CSMD1: variants seen among roughly 807,000 people sequenced by gnomAD.
CSMD1 encodes CUB and Sushi multiple domains 1.
A neutral mutation model predicts 417.5 loss-of-function variants in CSMD1; 213 were observed. The observed-to-expected ratio is 0.51, with a 90% CI of 0.46 to 0.57. CSMD1 has a LOEUF of 0.57. Among genes scored for constraint, CSMD1 ranks in the 20% least tolerant of loss-of-function variants. The pLI, the probability that CSMD1 is intolerant of heterozygous loss-of-function variation, is 0.00. For missense variants in CSMD1, 6,923 were observed against 4,529.7 expected, an observed-to-expected ratio of 1.53 and a Z score of -15.17; for synonymous variants, 2,862 against 1,736.8, an observed-to-expected ratio of 1.65 and a Z score of -16.11.
chr8:4,551,323 C>G (rs1031563759), intron 2 of CSMD1, among the ~76,000 whole-genome samples: 1 of 152,084 alleles, frequency 6.6e-6, no homozygotes, highest in South Asian at 2.1e-4. Context: ...TTCTCATGGT[C>G]CCCCGGCTGT....
intron 1 of CSMD1, among the ~76,000 whole-genome samples, chr8:4,749,499 C>G (rs1194481061): frequency 2.0e-5 from 3 of 152,156 alleles, no homozygotes; most frequent in Non-Finnish European, 4.4e-5. Flanking sequence ...TTAGTGATGA[C>G]TTGTGGTTAG....
rs148121745 is a variant in CSMD1 at position 4,732,494 on chromosome 8, G to A, written c.86-94936C>T. Among the ~76,000 whole-genome samples the A allele has an allele frequency of 2.2e-3, 330 of 152,028 alleles. 1 individual carries two copies. The highest frequency in any genetic ancestry group is 6.2e-3 in the South Asian group (30 of 4,806). ...TTACAAGGGCTTCATTTTCACCATC[G>A]ATTACTTTTCGAGTAACTTTGCCAA... is the stretch of plus-strand genomic sequence containing the variant. On this transcript the variant is annotated intron_variant, in intron 1 of 69. Transcript: ENST00000635120.
intron 6 of CSMD1, among the ~76,000 whole-genome samples, chr8:3,722,467 A>G (rs910864994): frequency 3.9e-5 from 6 of 152,204 alleles, no homozygotes; most frequent in Non-Finnish European, 8.8e-5. Context: ...CCCCAACCTC[A>G]GACAGATCTG....
intron 5 of CSMD1, among the ~76,000 whole-genome samples, chr8:3,866,325 C>T (rs993109140): frequency 6.6e-6 from 1 of 152,148 alleles, no homozygotes; most frequent in Non-Finnish European, 1.5e-5. Context: ...TGGCTGAACC[C>T]TGGGGATTGG....
chr8:4,049,917 A>T (rs1798335797), intron 3 of CSMD1, among the ~76,000 whole-genome samples: 2 of 27,012 alleles, frequency 7.4e-5, no homozygotes, highest in East Asian at 8.5e-3. Flanking sequence ...TCAGGAATCC[A>T]TTCGGATACC....
At chr8:2,978,078 A>G (rs749513680) in intron 55 of CSMD1, among the ~76,000 whole-genome samples, 3 of 152,226 alleles carry the variant, frequency 2.0e-5, no homozygotes, top group Non-Finnish European at 4.4e-5. Flanking sequence ...TACTGGGTAT[A>G]TACTCAAAGG....
At chr8:3,540,812 C>T (rs560869610) in intron 10 of CSMD1, among the ~76,000 whole-genome samples, 1 of 152,136 alleles carries the variant, frequency 6.6e-6, no homozygotes, top group African/African-American at 2.4e-5. Context: ...TAAAGAAGTG[C>T]AAATCAAAAC....
At position 4,366,467 on chromosome 8, in the gene CSMD1, T is replaced by C. The variant is rs80330786; in HGVS notation, c.415+53486A>G. Among the ~76,000 whole-genome samples, 33 of 152,340 alleles carry C rather than the reference T, an allele frequency of 2.2e-4. No individual in the cohort carries two copies. The East Asian group carries it at 3.3e-3, about 15-fold the overall frequency. ...CCAAAGGTGGGACTGCTGGTTTAAA[T>C]AGTAGTCCTGTTTTAAGTTCTTCGA... On this transcript the variant is annotated intron_variant, in intron 3 of 69. Transcript: ENST00000635120.
In CSMD1 at chr8:3,236,360, A is replaced by G. The variant is rs562550909; in HGVS notation, c.4154-6129T>C. Among the ~76,000 whole-genome samples the G allele has an allele frequency of 2.0e-5, 3 of 152,314 alleles. No individual in the cohort carries two copies. The East Asian group carries it at 5.8e-4, about 29-fold the overall frequency. On this transcript the variant is annotated intron_variant, in intron 26 of 69. Transcript: ENST00000635120. ...TTAAACAAACCCCCAAACACTTTGT[A>G]TTTAGAATTATGAAATAAAGATGAA...
At chr8:4,250,264 C>G (rs1001268309) in intron 3 of CSMD1, among the ~76,000 whole-genome samples, 1 of 152,136 alleles carries the variant, frequency 6.6e-6, no homozygotes, top group Non-Finnish European at 1.5e-5. Context: ...AACAAAAAGC[C>G]TCTCTAGTGA....
chr8:4,307,615 TAAGC>T (rs1798318654), intron 3 of CSMD1, among the ~76,000 whole-genome samples: 1 of 152,178 alleles, frequency 6.6e-6, no homozygotes, highest in African/African-American at 2.4e-5. Flanking sequence ...ACTTGTGAAA[TAAGC>T]AAGCTTATCG....
intron 46 of CSMD1, among the ~76,000 whole-genome samples, chr8:3,105,999 G>C (rs1231980021): frequency 6.6e-6 from 1 of 152,074 alleles, no homozygotes; most frequent in African/African-American, 2.4e-5. Context: ...ATTTGATATG[G>C]CCTTGGTTTA....
intron 2 of CSMD1, among the ~76,000 whole-genome samples, chr8:4,467,122 TAAAAAAAA>T (rs35481238): frequency 9.3e-5 from 8 of 86,254 alleles, no homozygotes; most frequent in Admixed American, 1.3e-4. Context: ...TTCTTCAGAG[TAAAAAAAA>T]AAAAAAAAAA....
chr8:3,977,102 A>C (rs1028475347), intron 5 of CSMD1, among the ~76,000 whole-genome samples: 2 of 152,050 alleles, frequency 1.3e-5, no homozygotes, highest in Non-Finnish European at 2.9e-5. Context: ...CTTTCATCTT[A>C]ATTTCTGCAT....
intron 10 of CSMD1, among the ~76,000 whole-genome samples, chr8:3,507,298 T>C (rs1796868312): frequency 6.6e-6 from 1 of 152,198 alleles, no homozygotes. Context: ...AAGAATATTT[T>C]TTAGCTTCAT....
intron 28 of CSMD1, among the ~76,000 whole-genome samples, chr8:3,220,506 A>T (rs1798143963): frequency 6.6e-6 from 1 of 152,184 alleles, no homozygotes; most frequent in Non-Finnish European, 1.5e-5. Context: ...TCTTGATATG[A>T]CCAGAATAAA....
chr8:4,194,104 G>C (rs1209153886), intron 3 of CSMD1, among the ~76,000 whole-genome samples: 1 of 151,944 alleles, frequency 6.6e-6, no homozygotes, highest in Non-Finnish European at 1.5e-5. Context: ...TGTTATGGTA[G>C]GCATACGTTC....
rs926688419 is a variant in CSMD1, at chr8:3,118,288, C to A, written c.6430+111G>T. The A allele has an allele frequency of 7.7e-6, 6 of 775,044 alleles. No homozygotes were observed. The Admixed American group carries it at 9.0e-5, about 12-fold the overall frequency. The allele number at this position is 775,044 out of a possible 1,614,324, so 48.0% of individuals were successfully genotyped here. ...TGAGTAAAACATAATAGATTCTCAACGAATATTTATTGAATACATTAATAA... is the reference window on the plus strand; with the variant it reads ...TGAGTAAAACATAATAGATTCTCAAAGAATATTTATTGAATACATTAATAA... On this transcript the variant is annotated intron_variant, in intron 42 of 69. Transcript: ENST00000635120.
chr8:3,726,763 C>A (rs1465768970), intron 6 of CSMD1, among the ~76,000 whole-genome samples: 3 of 152,134 alleles, frequency 2.0e-5, no homozygotes, highest in Non-Finnish European at 1.5e-5. Context: ...CATTCCTGAG[C>A]CTTATTCTTA....
Sources: gnomAD v4.1 joint callset for allele counts (sites outside exome capture counted in the v4.1 genomes callset) on GRCh38, gnomAD v4.1.1 for gene constraint, MANE v1.5 for transcripts, NCBI Gene and HGNC (gene_info 2026-07-23, HGNC 2026-07-21) for gene names.